Variants in NDST2 observed in about 807,000 individuals in gnomAD.
NDST2 encodes the protein N-deacetylase and N-sulfotransferase 2.
Under a neutral mutation model 86.9 loss-of-function variants are expected in NDST2, and 32 were observed. The ratio of observed to expected loss-of-function variants is 0.37; its 90% CI spans 0.28 to 0.49. The LOEUF (loss-of-function observed/expected upper bound fraction) is 0.49. NDST2 is among the 20% of genes least tolerant of loss of function. NDST2 has a pLI of 0.97. For synonymous variants in NDST2, 409 were observed against 437.0 expected, an observed-to-expected ratio of 0.94 and a Z score of 0.80; for missense variants, 950 against 1,146.9, an observed-to-expected ratio of 0.83 and a Z score of 2.48.
intron 11 of NDST2, 57 bp downstream of exon 11, chr10:73,803,517 T>TGGGGGGGGGGGGGGGGGGGGGGGC: frequency 8.4e-7 from 1 of 1,189,314 alleles, no homozygotes. Context: ...TAGCAGTCAC[T>TGGGGGGGGGGGGGGGGGGGGGGGC]GTCCCCTCCC....
intron 13 of NDST2, 54 bp downstream of exon 13, chr10:73,802,918 A>G (rs2084021035): frequency 6.4e-7 from 1 of 1,570,876 alleles, no homozygotes; most frequent in African/African-American, 1.4e-5. Flanking sequence ...GACATGGTCA[A>G]CCTGCTTCCC....
In NDST2 at chr10:73,802,251, TG is replaced by T; in HGVS notation, c.*199del. On this transcript the variant is annotated 3_prime_UTR_variant, in exon 15 of 15. Coordinates refer to ENST00000309979, the MANE Select transcript of NDST2 (RefSeq NM_003635.4). The stretch of plus-strand genomic sequence containing the variant: ...GTCAAAGGTACCTAGCACTATTATG[TG>T]GGGTACCAAAGGAAGCCCCTTTATT... The T allele has an allele frequency of 1.6e-6, 1 of 621,104 alleles. No homozygotes were observed. Among genetic ancestry groups the T allele is most frequent in the Non-Finnish European group, 2.8e-6 (1 of 356,342 alleles). 38.5% of individuals were successfully genotyped at this position (621,104 alleles called of 1,614,324 possible). A position where few individuals can be genotyped will look rare whatever the true frequency, so the allele number is the denominator to read the frequency against.
chr10:73,808,168 G>A lies in NDST2; in HGVS notation c.221C>T (p.Pro74Leu), dbSNP rs779982638. 8 of 1,614,096 alleles carry A rather than the reference G, an allele frequency of 5.0e-6. No homozygotes were observed. Among genetic ancestry groups the A allele is most frequent in the Non-Finnish European group, 6.8e-6 (8 of 1,180,034 alleles). ...GPARPPVPPRPPRPPETARTE... is the reference protein window; with the variant it reads ...GPARPPVPPRLPRPPETARTE... ...TCGAGCTGTCTCTGGAGGCCTGGGG[G>A]GCCGAGGTGGAACTGGAGGCCGTGC... Residue 74 changes from proline (P) to leucine (L), a missense_variant, in exon 3 of 15, where the codon CCC becomes CTC. By Grantham distance (98) the Pro-to-Leu change is moderately conservative (BLOSUM62 -3). Around this residue, in one of 5 missense-constraint regions of NDST2, gnomAD observed 586 missense variants for 714.0 expected, o/e 0.82. Transcript: ENST00000309979. This position sits in a 1 kb window ranked among gnomAD's most constrained non-coding sequence, Gnocchi z 4.3.
Position 73,806,619 on chromosome 10 carries a change from C to T in NDST2, c.1248+38G>A. 1 of 1,601,020 alleles carries T rather than the reference C, an allele frequency of 6.2e-7. No homozygotes were observed. The highest frequency in any genetic ancestry group is 8.6e-7 in the Non-Finnish European group (1 of 1,169,388). The stretch of plus-strand genomic sequence containing the variant: ...GGGGAAGGTAGAAAAGGAAGCATGG[C>T]TGGGAGAAATTATGGGGAAGAGATC... On this transcript the variant is annotated intron_variant, in intron 5 of 14. Coordinates refer to ENST00000309979, the MANE Select transcript of NDST2 (RefSeq NM_003635.4). The surrounding 1 kb of genome is among the most constrained non-coding windows in gnomAD (Gnocchi z 4.5).
At chr10:73,809,681 G>A (rs1409908732) in intron 2 of NDST2, among the ~76,000 whole-genome samples, 1 of 152,086 alleles carries the variant, frequency 6.6e-6, no homozygotes, top group African/African-American at 2.4e-5. Context: ...AATGACAGAA[G>A]GAAAAAGGAC....
Position 73,806,365 on chromosome 10 carries a change from T to C in NDST2, c.1358A>G (p.Gln453Arg), listed in dbSNP as rs1215916560. The C allele has an allele frequency of 6.2e-7, 1 of 1,614,178 alleles. No homozygotes were observed. The highest frequency in any genetic ancestry group is 1.7e-5 in the Admixed American group (1 of 60,022). ...GGGATACTCCTCAGTGCTGGTCACC[T>C]GGATGCCCCACACGGATTTCCAGGC... is the stretch of plus-strand genomic sequence containing the variant. ...YEAWKSVWGI[Q>R]VTSTEEYPHL... Residue 453 changes from glutamine (Q) to arginine (R), a missense_variant, in exon 6 of 15, where the codon CAG becomes CGG. Gln to Arg is a conservative substitution (Grantham distance 43). Coordinates refer to ENST00000309979, the MANE Select transcript of NDST2 (RefSeq NM_003635.4). The surrounding 1 kb of genome is among the most constrained non-coding windows in gnomAD (Gnocchi z 4.5).
chr10:73,803,058 C>T lies in NDST2; in HGVS notation c.2337G>A (p.Glu779=), dbSNP rs1434249589. The change falls in exon 13 of 15, where the codon GAG becomes GAA. Residue 779 remains glutamate, a synonymous_variant. Transcript: ENST00000309979. The stretch of plus-strand genomic sequence containing the variant: ...TTGAGGCTGCTGGGTTGGTACGCAG[C>T]TCTTGCCCATCCACAATCAGCAACT... The part of the protein sequence containing the change: ...SGQLLIVDGQ[E]LRTNPAASME... 6.2e-7 allele frequency: 1 copy of T among 1,614,198 alleles called. No individual in the cohort carries two copies. The highest frequency in any genetic ancestry group is 1.7e-5 in the Admixed American group (1 of 60,030).
Position 73,807,609 on chromosome 10 carries a change from G to C in NDST2, c.780C>G (p.Ala260=). The C allele has an allele frequency of 6.2e-7, 1 of 1,614,222 alleles. No individual in the cohort carries two copies. The highest frequency in any genetic ancestry group is 1.6e-4 in the Middle Eastern group (1 of 6,062). ...GGTCCTGTACCACAGTGGGAAGCCGGGCCCGACGAAGAACTGGTCCTGGCA... is the reference window on the plus strand; with the variant it reads ...GGTCCTGTACCACAGTGGGAAGCCGCGCCCGACGAAGAACTGGTCCTGGCA... ...PAVPGPVLRR[A]RLPTVVQDLG... is the part of the protein sequence containing the mutation. Residue 260 remains alanine, a synonymous_variant, in exon 3 of 15, where the codon GCC becomes GCG. Coordinates refer to ENST00000309979, the MANE Select transcript of NDST2 (RefSeq NM_003635.4).
rs1278523831 is a variant in NDST2 at position 73,803,492 on chromosome 10, T to C, written c.2142+82A>G. On this transcript the variant is annotated intron_variant, in intron 11 of 14. Coordinates refer to ENST00000309979, the MANE Select transcript of NDST2 (RefSeq NM_003635.4). The stretch of plus-strand genomic sequence containing the variant: ...ACTAGTTAAGTTTCTCAAACCTCAC[T>C]CCTTTCTCCCTCTCTAGCAGTCACT... 5 of 1,539,546 alleles carry C rather than the reference T, an allele frequency of 3.2e-6. No homozygotes were observed. In the African/African-American group the frequency reaches 4.1e-5, roughly 13 times the overall value.
chr10:73,808,198 C>G lies in NDST2; in HGVS notation c.191G>C (p.Gly64Ala), dbSNP rs369014008. ...AGGTGGAACTGGAGGCCGTGCAGGG[C>G]CAGGACCAGCTGCCCCACCGCTGCT... Reference protein sequence around the residue: ...DCSSGGAAGPGPARPPVPPRP... With the variant: ...DCSSGGAAGPAPARPPVPPRP... Residue 64 changes from glycine to alanine, a missense_variant, in exon 3 of 15, where the codon GGC (glycine) becomes GCC (alanine). By Grantham distance (60) the Gly-to-Ala change is moderately conservative (BLOSUM62 0). Transcript: ENST00000309979. This position sits in a 1 kb window ranked among gnomAD's most constrained non-coding sequence, Gnocchi z 4.3. 103 of 1,613,624 alleles carry G rather than the reference C, an allele frequency of 6.4e-5. No homozygotes were observed. The highest frequency in any genetic ancestry group is 8.3e-5 in the Non-Finnish European group (98 of 1,179,830).
chr10:73,809,937 T>A (rs1361066470), intron 2 of NDST2, among the ~76,000 whole-genome samples: 1 of 152,116 alleles, frequency 6.6e-6, no homozygotes, highest in Non-Finnish European at 1.5e-5. Context: ...CTTGTTACGT[T>A]GCCCAGGCTG....
At chr10:73,807,259 G>C in intron 3 of NDST2, 64 bp from the exon 4 acceptor site, 2 of 1,557,792 alleles carry the variant, frequency 1.3e-6, no homozygotes, top group Non-Finnish European at 1.8e-6. Context: ...TACATGAGAA[G>C]TAGCATTCTT....
rs768911477 is a variant in NDST2 at position 73,808,090 on chromosome 10, T to C, written c.299A>G (p.Gln100Arg). 3.1e-6 allele frequency: 5 copies of C among 1,614,124 alleles called. No individual in the cohort carries two copies. In the East Asian group the frequency reaches 1.1e-4, roughly 36 times the overall value. ...AGACTCCAGGATGGCCACAATTTCCTGCCCCAGCTGTGAGTATGCACTCTC... is the reference window on the plus strand; with the variant it reads ...AGACTCCAGGATGGCCACAATTTCCCGCCCCAGCTGTGAGTATGCACTCTC... ...FVESAYSQLG[Q>R]EIVAILESSR... Residue 100 changes from glutamine to arginine, a missense_variant, in exon 3 of 15, where the codon CAG becomes CGG. This residue lies in a region of NDST2 where 586 missense variants were observed against 714.0 expected (regional missense o/e 0.82). Coordinates refer to ENST00000309979, the MANE Select transcript of NDST2 (RefSeq NM_003635.4). This position sits in a 1 kb window ranked among gnomAD's most constrained non-coding sequence, Gnocchi z 4.3.
chr10:73,808,211 C>T lies in NDST2; in HGVS notation c.178G>A (p.Ala60Thr), dbSNP rs1287292417. Residue 60 changes from alanine (A) to threonine (T), a missense_variant, in exon 3 of 15, where the codon GCA becomes ACA. Physicochemically the swap from Ala to Thr is moderately conservative, Grantham distance 58 (BLOSUM62 0). Transcript: ENST00000309979. The surrounding 1 kb of genome is among the most constrained non-coding windows in gnomAD (Gnocchi z 4.3). ...GGCCGTGCAGGGCCAGGACCAGCTG[C>T]CCCACCGCTGCTGCAGTCTCCCAAG... ...LPLGDCSSGGAAGPGPARPPV... is the reference protein window; with the variant it reads ...LPLGDCSSGGTAGPGPARPPV... 1 of 1,613,172 alleles carries T rather than the reference C, an allele frequency of 6.2e-7. No homozygotes were observed. Among genetic ancestry groups the T allele is most frequent in the African/African-American group, 1.3e-5 (1 of 74,912 alleles).
Position 73,807,120 on chromosome 10 carries a change from A to G in NDST2, c.1081T>C (p.Phe361Leu). 1 of 1,613,924 alleles carries G rather than the reference A, an allele frequency of 6.2e-7. No individual in the cohort carries two copies. Among genetic ancestry groups the G allele is most frequent in the African/African-American group, 1.3e-5 (1 of 74,956 alleles). Residue 361 changes from phenylalanine to leucine, a missense_variant, in exon 4 of 15, where the codon TTC becomes CTC. By Grantham distance (22) the Phe-to-Leu change is conservative (BLOSUM62 0). This residue lies in a region of NDST2 where 586 missense variants were observed against 714.0 expected (regional missense o/e 0.82). Transcript: ENST00000309979. ...GGTATAAGCTCACCAGTATGATAGA[A>G]CTTGCCCGAGAAGCCCAAGTTGAAG... The part of the protein sequence containing the change: ...FTFNLGFSGK[F>L]YHTGTEEEDA...
At chr10:73,805,450 G>A (rs917456644) in intron 8 of NDST2, 137 bp downstream of exon 8, 156 of 804,700 alleles carry the variant, frequency 1.9e-4, no homozygotes, top group Middle Eastern at 1.5e-3. Flanking sequence ...GGAGGTGGAG[G>A]TTGCAATGAG....
At chr10:73,810,734 T>C (rs2084190568) in intron 2 of NDST2, 65 bp downstream of exon 2, 1 of 398,128 alleles carries the variant, frequency 2.5e-6, no homozygotes, top group South Asian at 1.3e-4. Flanking sequence ...CCCTAAGAGG[T>C]AGGGAAAAGG....
chr10:73,806,957 T>A lies in NDST2; in HGVS notation c.1094-146A>T, dbSNP rs558998115. 5 of 1,473,468 alleles carry A rather than the reference T, an allele frequency of 3.4e-6. No homozygotes were observed. Among genetic ancestry groups the A allele is most frequent in the Middle Eastern group, 1.9e-4 (1 of 5,218 alleles). The allele number at this position is 1,473,468 out of a possible 1,614,324, so 91.3% of individuals were successfully genotyped here. On this transcript the variant is annotated intron_variant, in intron 4 of 14. Coordinates refer to ENST00000309979, the MANE Select transcript of NDST2 (RefSeq NM_003635.4). The surrounding 1 kb of genome is among the most constrained non-coding windows in gnomAD (Gnocchi z 4.5). ...TGCCAACTTGCCATCCAGCCACCCA[T>A]GCGAACCTAAATTCATGCCCACCAC...
In NDST2 at chr10:73,808,097, G is replaced by C; in HGVS notation, c.292C>G (p.Leu98Val). Residue 98 changes from leucine (L) to valine (V), a missense_variant, in exon 3 of 15, where the codon CTG (leucine) becomes GTG (valine). Around this residue, in one of 5 missense-constraint regions of NDST2, gnomAD observed 586 missense variants for 714.0 expected, o/e 0.82. Transcript: ENST00000309979. The surrounding 1 kb of genome is among the most constrained non-coding windows in gnomAD (Gnocchi z 4.3). ...LVFVESAYSQ[L>V]GQEIVAILES... ...AGGATGGCCACAATTTCCTGCCCCA[G>C]CTGTGAGTATGCACTCTCCACAAAC... 1 of 1,614,218 alleles carries C rather than the reference G, an allele frequency of 6.2e-7. No individual in the cohort carries two copies. The highest frequency in any genetic ancestry group is 1.1e-5 in the South Asian group (1 of 91,088).
Sources: allele counts gnomAD v4.1 joint callset (sites outside exome capture counted in the v4.1 genomes callset), GRCh38; gene constraint gnomAD v4.1.1; regional missense constraint gnomAD v4.1.1; non-coding constraint Gnocchi (gnomAD v3.1); transcripts MANE v1.5; gene names NCBI Gene and HGNC (gene_info 2026-07-23, HGNC 2026-07-21).